CFHR5: variants seen among roughly 807,000 people sequenced by gnomAD.
CFHR5 encodes complement factor H-related protein 5.
Under a neutral mutation model 62.9 loss-of-function variants are expected in CFHR5, and 73 were observed. The observed-to-expected ratio is 1.16, with a 90% CI of 0.96 to 1.41. The LOEUF is 1.41. Among genes scored for constraint, CFHR5 ranks in the 40% most tolerant of loss-of-function variants. The pLI is 0.00. For missense variants in CFHR5, 779 were observed against 679.9 expected (o/e 1.15, Z -1.62); for synonymous variants, 249 against 227.2 (o/e 1.10, Z -0.86).
intron 1 of CFHR5, among the ~76,000 whole-genome samples, chr1:196,979,900 C>A (rs1653494237): frequency 6.6e-6 from 1 of 152,032 alleles, no homozygotes; most frequent in Non-Finnish European, 1.5e-5. Flanking sequence ...ACTTTATCAA[C>A]TGAAAATCTT....
intron 3 of CFHR5, among the ~76,000 whole-genome samples, chr1:196,989,100 G>A (rs139024238): frequency 0.013 from 2,029 of 152,190 alleles, 28 homozygotes; most frequent in African/African-American, 0.044. Flanking sequence ...AGTCTTGGGA[G>A]GATGTATGTG....
At chr1:196,981,560 T>G (rs1268671226) in intron 1 of CFHR5, among the ~76,000 whole-genome samples, 1 of 151,978 alleles carries the variant, frequency 6.6e-6, no homozygotes, top group East Asian at 1.9e-4. Context: ...TTTCACCCAT[T>G]TTCTACATTG....
rs372074990 is a variant in CFHR5, at chr1:197,004,740, A to G, written c.1410A>G (p.Pro470=). 3.1e-6 allele frequency: 5 copies of G among 1,613,276 alleles called. No individual in the cohort carries two copies. In the South Asian group the frequency reaches 4.4e-5, roughly 14 times the overall value. The part of the protein sequence containing the change: ...TTSFPLSVYP[P]GSTVTYRCQS... ...CATTCCCATTATCAGTATATCCTCCAGGGTCAACAGTGACGTACCGTTGCC... is the reference window on the plus strand; with the variant it reads ...CATTCCCATTATCAGTATATCCTCCGGGGTCAACAGTGACGTACCGTTGCC... The change falls in exon 9 of 10, where the codon CCA becomes CCG. Residue 470 remains proline (P), a synonymous_variant. Coordinates refer to ENST00000256785, the MANE Select transcript of CFHR5 (RefSeq NM_030787.4).
Position 196,977,708 on chromosome 1 carries a change from C to T in CFHR5, c.44C>T (p.Thr15Ile). 1 of 1,612,484 alleles carries T rather than the reference C, an allele frequency of 6.2e-7. No individual in the cohort carries two copies. The highest frequency in any genetic ancestry group is 8.5e-7 in the Non-Finnish European group (1 of 1,178,684). ...FSVILISWVS[T>I]VGGEGTLCDF... Reference sequence around the variant, plus strand: ...GTAATCCTAATCTCATGGGTATCCACTGTTGGGGGAGAAGGTAAGTTGAAA... The same window carrying T: ...GTAATCCTAATCTCATGGGTATCCATTGTTGGGGGAGAAGGTAAGTTGAAA... Residue 15 changes from threonine (T) to isoleucine (I), a missense_variant, in exon 1 of 10, where the codon ACT (threonine) becomes ATT (isoleucine). Coordinates refer to ENST00000256785, the MANE Select transcript of CFHR5 (RefSeq NM_030787.4).
intron 3 of CFHR5, among the ~76,000 whole-genome samples, chr1:196,991,172 A>G (rs2125031739): frequency 6.6e-6 from 1 of 152,234 alleles, no homozygotes; most frequent in East Asian, 1.9e-4. Flanking sequence ...TGAAGCTTGT[A>G]CATGCATCAC....
chr1:196,984,188 T>A, intron 3 of CFHR5, 51 bp downstream of exon 3: 1 of 1,456,896 alleles, frequency 6.9e-7, no homozygotes, highest in South Asian at 1.2e-5. Context: ...AAGAAATAAA[T>A]CTATAGTTTA....
chr1:196,982,940 T>C lies in CFHR5; in HGVS notation c.114T>C (p.Asp38=), dbSNP rs1653579038. 3 of 1,614,136 alleles carry C rather than the reference T, an allele frequency of 1.9e-6. No homozygotes were observed. Among genetic ancestry groups the C allele is most frequent in the Non-Finnish European group, 2.5e-6 (3 of 1,180,018 alleles). Residue 38 remains aspartate, a synonymous_variant, in exon 2 of 10, where the codon GAT becomes GAC. Transcript: ENST00000256785. ...ATGGATTTCTGTATGATGAAGAAGA[T>C]TATAACCCTTTTTCCCAAGTTCCTA... ...IHHGFLYDEE[D]YNPFSQVPTG...
Position 196,982,932 on chromosome 1 carries a change from G to A in CFHR5, c.106G>A (p.Glu36Lys). ...AATACACCATGGATTTCTGTATGAT[G>A]AAGAAGATTATAACCCTTTTTCCCA... ...PKIHHGFLYD[E>K]EDYNPFSQVP... The change falls in exon 2 of 10, where the codon GAA becomes AAA. Residue 36 changes from glutamate (E) to lysine (K), a missense_variant. Glu to Lys is a moderately conservative substitution (Grantham distance 56, BLOSUM62 1). Transcript: ENST00000256785. 1 of 1,614,006 alleles carries A rather than the reference G, an allele frequency of 6.2e-7. No homozygotes were observed. Among genetic ancestry groups the A allele is most frequent in the Non-Finnish European group, 8.5e-7 (1 of 1,179,930 alleles).
intron 3 of CFHR5, among the ~76,000 whole-genome samples, chr1:196,984,613 A>G (rs1454027103): frequency 6.6e-6 from 1 of 152,142 alleles, no homozygotes; most frequent in African/African-American, 2.4e-5. Flanking sequence ...AATTTGGAAA[A>G]CGATTCTTTT....
upstream of CFHR5, chr1:196,977,447 G>T: frequency 1.7e-6 from 1 of 587,584 alleles, no homozygotes. Flanking sequence ...ATAACGAGCT[G>T]AGAATATTAT....
intron 8 of CFHR5, among the ~76,000 whole-genome samples, chr1:197,003,260 C>T (rs988252927): frequency 6.6e-6 from 1 of 152,134 alleles, no homozygotes; most frequent in African/African-American, 2.4e-5. Context: ...GTAATGCTGG[C>T]AGTAATGCTC....
At chr1:196,982,398 A>G (rs1487300595) in intron 1 of CFHR5, among the ~76,000 whole-genome samples, 1 of 152,202 alleles carries the variant, frequency 6.6e-6, no homozygotes, top group Non-Finnish European at 1.5e-5. Context: ...TCGGTCCGGC[A>G]TGGTGGTTCA....
In CFHR5 at chr1:196,998,205, A is replaced by T. The variant is rs1452780122; in HGVS notation, c.1048A>T (p.Asn350Tyr). The change falls in exon 7 of 10, where the codon AAT (asparagine) becomes TAT (tyrosine). Residue 350 changes from asparagine to tyrosine, a missense_variant. By Grantham distance (143) the Asn-to-Tyr change is moderately radical (BLOSUM62 -2). Coordinates refer to ENST00000256785, the MANE Select transcript of CFHR5 (RefSeq NM_030787.4). ...ACTCAAGCTATCTGGGAAAGAATTT[A>T]ATCATAATTCTAGAATACGTTACAG... The part of the protein sequence containing the change: ...TLLKLSGKEF[N>Y]HNSRIRYRCS... 1 of 1,604,418 alleles carries T rather than the reference A, an allele frequency of 6.2e-7. No homozygotes were observed. The highest frequency in any genetic ancestry group is 2.2e-5 in the East Asian group (1 of 44,600).
intron 3 of CFHR5, among the ~76,000 whole-genome samples, chr1:196,985,465 C>T (rs1653659538): frequency 1.3e-5 from 2 of 150,554 alleles, no homozygotes; most frequent in Admixed American, 1.3e-4. Flanking sequence ...CTTTCAATTA[C>T]AAGGGGTTAA....
At chr1:196,993,824 C>G (rs1367801688) in intron 3 of CFHR5, among the ~76,000 whole-genome samples, 3 of 152,018 alleles carry the variant, frequency 2.0e-5, no homozygotes. Context: ...TGAGTAACTT[C>G]ACAGGACATT....
chr1:197,002,331 C>A, intron 7 of CFHR5, 151 bp from the exon 8 acceptor site: 2 of 578,708 alleles, frequency 3.5e-6, no homozygotes, highest in Non-Finnish European at 3.1e-6. Context: ...GTTATTATAA[C>A]ATTTATATAT....
chr1:196,999,805 A>G lies in CFHR5; in HGVS notation c.1147+1501A>G, dbSNP rs201991824. On this transcript the variant is annotated intron_variant, in intron 7 of 9. Transcript: ENST00000256785. ...TATATGTATATATGTGTGTATATAT[A>G]TGTGTGTGTGTGTGTGTGTGTGTAT... Among the ~76,000 whole-genome samples the G allele has an allele frequency of 1.7e-4, 23 of 135,396 alleles. 1 individual carries two copies. In the South Asian group the frequency reaches 1.9e-3, roughly 11 times the overall value. 88.8% of individuals were successfully genotyped at this position (135,396 alleles called of 152,430 possible).
At chr1:196,999,764 C>T (rs1487665789) in intron 7 of CFHR5, among the ~76,000 whole-genome samples, 4 of 142,180 alleles carry the variant, frequency 2.8e-5, no homozygotes, top group African/African-American at 1.0e-4. Flanking sequence ...TGTATATACA[C>T]ACACACATAT....
In CFHR5 at chr1:196,983,070, A is replaced by G; in HGVS notation, c.244A>G (p.Lys82Glu). ...CTEEGWSPTP[K>E]CLRMCSFPFV... The stretch of plus-strand genomic sequence containing the variant: ...AGAAGAAGGATGGTCACCAACACCG[A>G]AGTGTCTCAGTGAGTAAATGCCCTG... The change falls in exon 2 of 10, where the codon AAG (lysine) becomes GAG (glutamate). Residue 82 changes from lysine to glutamate, a missense_variant. By Grantham distance (56) the Lys-to-Glu change is moderately conservative. Coordinates refer to ENST00000256785, the MANE Select transcript of CFHR5 (RefSeq NM_030787.4). 1.2e-6 allele frequency: 2 copies of G among 1,613,990 alleles called. No individual in the cohort carries two copies. The highest frequency in any genetic ancestry group is 1.7e-6 in the Non-Finnish European group (2 of 1,180,006).
Sources: gnomAD v4.1 joint callset for allele counts (sites outside exome capture counted in the v4.1 genomes callset) on GRCh38, gnomAD v4.1.1 for gene constraint, MANE v1.5 for transcripts, NCBI Gene and HGNC (gene_info 2026-07-23, HGNC 2026-07-21) for gene names.